Variants in SYTL2 observed in about 807,000 individuals in gnomAD.
SYTL2 encodes synaptotagmin like 2, also known as synaptotagmin-like protein 2.
A neutral mutation model predicts 198.7 loss-of-function variants in SYTL2; 165 were observed. The ratio of observed to expected loss-of-function variants is 0.83; its 90% CI spans 0.73 to 0.94. The LOEUF (loss-of-function observed/expected upper bound fraction) is 0.94, where lower values mean the gene tolerates loss of function less well. Ranked by LOEUF, SYTL2 falls within the 40% of genes least tolerant of loss-of-function variation. The pLI is 0.00. For synonymous variants in SYTL2, 966 were observed against 917.7 expected, an observed-to-expected ratio of 1.05 and a Z score of -0.95; for missense variants, 2,835 against 2,582.8, an observed-to-expected ratio of 1.10 and a Z score of -2.12.
chr11:85,778,469 C>G (rs1341749911), intron 1 of SYTL2, among the ~76,000 whole-genome samples: 2 of 152,222 alleles, frequency 1.3e-5, no homozygotes, highest in Non-Finnish European at 2.9e-5. Context: ...AGAGTGAATG[C>G]AGTGACCAAA....
At chr11:85,713,582 C>A (rs1172830918) in intron 12 of SYTL2, among the ~76,000 whole-genome samples, 7 of 152,058 alleles carry the variant, frequency 4.6e-5, no homozygotes, top group Non-Finnish European at 7.4e-5. Context: ...GTCAAAGGAC[C>A]TGAGTTAAAG....
chr11:85,737,607 T>C lies in SYTL2; in HGVS notation c.439A>G (p.Asn147Asp). The change falls in exon 5 of 20, where the codon AAC becomes GAC. Residue 147 changes from asparagine (N) to aspartate (D), a missense_variant. Physicochemically the swap from Asn to Asp is conservative, Grantham distance 23 (BLOSUM62 1). Coordinates refer to ENST00000359152, the MANE Select transcript of SYTL2 (RefSeq NM_206927.4). ...GGAGACACATTTGGTTTCCTTGTGTTTTCCTGGGACATATCAATCACACTG... is the reference window on the plus strand; with the variant it reads ...GGAGACACATTTGGTTTCCTTGTGTCTTCCTGGGACATATCAATCACACTG... ...ASSVIDMSQE[N>D]TRKPNVSPEK... The C allele has an allele frequency of 6.2e-7, 1 of 1,614,050 alleles. No individual in the cohort carries two copies. Among genetic ancestry groups the C allele is most frequent in the Middle Eastern group, 1.6e-4 (1 of 6,062 alleles).
intron 1 of SYTL2, among the ~76,000 whole-genome samples, chr11:85,786,107 T>G (rs1267682586): frequency 6.6e-6 from 1 of 152,196 alleles, no homozygotes; most frequent in East Asian, 1.9e-4. Flanking sequence ...ACAACTTGGA[T>G]GAATCTCAAG....
intron 1 of SYTL2, among the ~76,000 whole-genome samples, chr11:85,808,613 A>G (rs2092991518): frequency 6.6e-6 from 1 of 152,188 alleles, no homozygotes; most frequent in South Asian, 2.1e-4. Context: ...GGGTACTCGA[A>G]GCCCCTAAGA....
chr11:85,773,552 T>G (rs1358799287), intron 1 of SYTL2, among the ~76,000 whole-genome samples: 1 of 152,086 alleles, frequency 6.6e-6, no homozygotes, highest in Non-Finnish European at 1.5e-5. Context: ...ATATAGCAAC[T>G]GTCTGTTTCC....
chr11:85,719,663 G>A (rs1460976717), intron 9 of SYTL2, among the ~76,000 whole-genome samples: 1 of 152,112 alleles, frequency 6.6e-6, no homozygotes, highest in Non-Finnish European at 1.5e-5. Context: ...GAGAATTCCT[G>A]CATTGAGGGG....
chr11:85,782,453 T>C lies in SYTL2; in HGVS notation c.-389-24339A>G, dbSNP rs1031556222. ...ACATGCCCTGGAGACATTTTCCCCA[T>C]TGTCTTGCTGATTAACATTTGGTTC... is the stretch of plus-strand genomic sequence containing the variant. On this transcript the variant is annotated intron_variant, in intron 1 of 19. Transcript: ENST00000359152. 1.1e-4 allele frequency among the ~76,000 whole-genome samples: 17 copies of C among 152,330 alleles called. 2 individuals are homozygous for C. The highest frequency in any genetic ancestry group is 3.3e-4 in the Admixed American group (5 of 15,294).
chr11:85,811,567 G>C (rs912826144), upstream of SYTL2, among the ~76,000 whole-genome samples: 1 of 152,080 alleles, frequency 6.6e-6, no homozygotes, highest in African/African-American at 2.4e-5. Context: ...TATGGAGCCC[G>C]GTCATGGGGT....
chr11:85,714,171 C>T (rs1312179410), intron 12 of SYTL2, among the ~76,000 whole-genome samples: 2 of 152,196 alleles, frequency 1.3e-5, no homozygotes, highest in Non-Finnish European at 2.9e-5. Flanking sequence ...AAACAAAAGT[C>T]ACATTCCCAA....
intron 2 of SYTL2, among the ~76,000 whole-genome samples, chr11:85,754,922 A>C (rs139651786): frequency 6.6e-6 from 1 of 152,196 alleles, no homozygotes; most frequent in Non-Finnish European, 1.5e-5. Flanking sequence ...GAGATTTCTC[A>C]TCATGGCTTT....
intron 15 of SYTL2, among the ~76,000 whole-genome samples, chr11:85,706,368 A>G (rs982976850): frequency 4.6e-5 from 7 of 152,208 alleles, no homozygotes; most frequent in African/African-American, 1.4e-4. Flanking sequence ...ACCCTCATGG[A>G]ACTTACAATT....
chr11:85,853,036 G>A, the SYTL2 span: 2 of 316,332 alleles, frequency 6.3e-6, no homozygotes, highest in South Asian at 2.2e-5. Flanking sequence ...CACCCTGTCT[G>A]GGAAGTGAGG....
chr11:85,722,399 A>C (rs142563341), intron 8 of SYTL2, among the ~76,000 whole-genome samples: 18,678 of 151,768 alleles, frequency 0.12, 1,518 homozygotes, highest in Middle Eastern at 0.16. Flanking sequence ...TGGTCTCGAT[A>C]TCCTCACCTC....
chr11:85,838,083 C>T, the SYTL2 span, among the ~76,000 whole-genome samples: 1 of 152,100 alleles, frequency 6.6e-6, no homozygotes. Flanking sequence ...CAGATGTCTC[C>T]GGGGGAACAA....
chr11:85,702,748 A>C (rs1340504504), intron 16 of SYTL2, among the ~76,000 whole-genome samples: 1 of 152,200 alleles, frequency 6.6e-6, no homozygotes, highest in Non-Finnish European at 1.5e-5. Flanking sequence ...TCTCATATGC[A>C]ATACCCCACA....
intron 2 of SYTL2, among the ~76,000 whole-genome samples, chr11:85,752,710 A>G (rs552979684): frequency 5.3e-5 from 8 of 152,028 alleles, no homozygotes; most frequent in Admixed American, 1.3e-4. Context: ...CAAGGCTTCA[A>G]TCCTGCGGGG....
chr11:85,838,979 A>G, the SYTL2 span, among the ~76,000 whole-genome samples: 2 of 152,176 alleles, frequency 1.3e-5, no homozygotes, highest in Non-Finnish European at 2.9e-5. Flanking sequence ...CCTGGGCTCA[A>G]AGGATCCTCC....
intron 1 of SYTL2, among the ~76,000 whole-genome samples, chr11:85,767,224 C>G (rs2092260978): frequency 6.6e-6 from 1 of 152,174 alleles, no homozygotes; most frequent in South Asian, 2.1e-4. Flanking sequence ...AAGGGTTAGA[C>G]CAATTGCTTA....
At chr11:85,708,612 C>T (rs1193617934) in intron 14 of SYTL2, among the ~76,000 whole-genome samples, 2 of 152,054 alleles carry the variant, frequency 1.3e-5, no homozygotes, top group Non-Finnish European at 2.9e-5. Context: ...TACCACTGAG[C>T]TTTATGAAGT....
Sources: allele counts gnomAD v4.1 joint callset (sites outside exome capture counted in the v4.1 genomes callset), GRCh38; gene constraint gnomAD v4.1.1; transcripts MANE v1.5; gene names NCBI Gene and HGNC (gene_info 2026-07-23, HGNC 2026-07-21).